The following ERC1 variants were observed in gnomAD, a reference collection of about 807,000 sequenced individuals.
The protein encoded by ERC1 is RAB6 interacting protein 2.
ERC1 carries 56 observed loss-of-function variants against 132.0 expected under a neutral mutation model. The ratio of observed to expected loss-of-function variants is 0.42; its 90% CI spans 0.34 to 0.53. The LOEUF is 0.53. ERC1 is among the 20% of genes least tolerant of loss of function. The pLI, the probability that ERC1 is intolerant of heterozygous loss-of-function variation, is 0.03. For missense variants in ERC1, 1,202 were observed against 1,349.9 expected (o/e 0.89, Z 1.72); for synonymous variants, 478 against 476.1 (o/e 1.00, Z -0.05).
intron 18 of ERC1, among the ~76,000 whole-genome samples, chr12:1,487,116 G>A (rs2094231389): frequency 6.6e-6 from 1 of 152,130 alleles, no homozygotes; most frequent in Non-Finnish European, 1.5e-5. Flanking sequence ...AAGGTACCCA[G>A]CCTCCTAGCT....
chr12:1,495,740 A>G lies in ERC1; in HGVS notation c.*5510A>G. The G allele has an allele frequency of 4.5e-6, 1 of 223,962 alleles. No homozygotes were observed. The highest frequency in any genetic ancestry group is 2.2e-5 in the African/African-American group (1 of 44,890). 13.9% of individuals were successfully genotyped at this position (223,962 alleles called of 1,614,324 possible). A position where few individuals can be genotyped will look rare whatever the true frequency, so the allele number is the denominator to read the frequency against. ...GCCTCCATGGTGGTGTCTGGGATGCACGTGCACCCGCTGCCTTCAGCTGTA... is the reference window on the plus strand; with the variant it reads ...GCCTCCATGGTGGTGTCTGGGATGCGCGTGCACCCGCTGCCTTCAGCTGTA... On this transcript the variant is annotated 3_prime_UTR_variant, in exon 19 of 19. Coordinates refer to ENST00000360905, the MANE Select transcript of ERC1 (RefSeq NM_178040.4).
intron 7 of ERC1, among the ~76,000 whole-genome samples, chr12:1,133,607 T>G (rs187037488): frequency 2.4e-4 from 36 of 152,342 alleles, no homozygotes; most frequent in Non-Finnish European, 4.6e-4. Flanking sequence ...TGAATCAATA[T>G]TCAGTCTGTT....
chr12:1,443,527 G>A (rs1326468765), intron 17 of ERC1: 2 of 152,186 alleles, frequency 1.3e-5, no homozygotes, highest in Admixed American at 6.5e-5. Flanking sequence ...CATGCAACAG[G>A]TGCAGACCTG....
chr12:1,166,962 C>G (rs61459434), intron 8 of ERC1, among the ~76,000 whole-genome samples: 6,127 of 152,218 alleles, frequency 0.04, 407 homozygotes, highest in African/African-American at 0.14. Flanking sequence ...AACATTATTT[C>G]TTTGGGCTTT....
intron 12 of ERC1, among the ~76,000 whole-genome samples, chr12:1,201,008 T>C (rs563944507): frequency 1.2e-4 from 18 of 152,334 alleles, no homozygotes; most frequent in Admixed American, 3.3e-4. Context: ...ATGTACATGT[T>C]TATATATGCA....
At chr12:1,466,271 C>G (rs1237024499) in intron 18 of ERC1, among the ~76,000 whole-genome samples, 2 of 152,150 alleles carry the variant, frequency 1.3e-5, no homozygotes, top group African/African-American at 4.8e-5. Context: ...GTGGTCTATC[C>G]TCTCTCCCTG....
At chr12:1,052,987 G>A (rs1338000598) in intron 2 of ERC1, among the ~76,000 whole-genome samples, 2 of 151,414 alleles carry the variant, frequency 1.3e-5, no homozygotes, top group African/African-American at 4.9e-5. Context: ...AAAAAAAATT[G>A]TCAGCTGCAA....
intron 13 of ERC1, among the ~76,000 whole-genome samples, chr12:1,260,766 C>T (rs1306254610): frequency 3.3e-5 from 5 of 152,184 alleles, no homozygotes; most frequent in Non-Finnish European, 7.3e-5. Context: ...TAGTTTGATA[C>T]AGTTGCGTTA....
intron 2 of ERC1, among the ~76,000 whole-genome samples, chr12:1,035,007 A>G (rs563045032): frequency 6.6e-6 from 1 of 152,314 alleles, no homozygotes; most frequent in South Asian, 2.1e-4. Context: ...CCGTATACCC[A>G]CTGTAATTAC....
chr12:1,030,437 T>C (rs183660323), intron 2 of ERC1, among the ~76,000 whole-genome samples: 3 of 152,236 alleles, frequency 2.0e-5, no homozygotes, highest in African/African-American at 7.2e-5. Flanking sequence ...TACAATATAG[T>C]GTTAGCCAGG....
At chr12:1,155,826 C>T (rs1004751870) in intron 8 of ERC1, among the ~76,000 whole-genome samples, 2 of 151,074 alleles carry the variant, frequency 1.3e-5, no homozygotes, top group Non-Finnish European at 2.9e-5. Context: ...TAAAAAATGA[C>T]TTGTATTAAC....
intron 17 of ERC1, among the ~76,000 whole-genome samples, chr12:1,418,671 TTTCTTTC>T (rs2092289931): frequency 7.7e-5 from 2 of 25,886 alleles, no homozygotes; most frequent in African/African-American, 3.2e-4. Context: ...CTTTCTTTTC[TTTCTTTC>T]TTTCTTTCTT....
At chr12:1,155,317 A>C (rs1198199223) in intron 8 of ERC1, among the ~76,000 whole-genome samples, 2 of 137,456 alleles carry the variant, frequency 1.5e-5, no homozygotes, top group African/African-American at 6.3e-5. Context: ...TTCATCTCAA[A>C]AAAAAAAAAA....
chr12:1,340,195 G>T (rs1477520854), intron 15 of ERC1, among the ~76,000 whole-genome samples: 2 of 152,116 alleles, frequency 1.3e-5, no homozygotes, highest in African/African-American at 4.8e-5. Context: ...GCACAGCTAG[G>T]CTGTGGTCCC....
chr12:1,150,693 C>T (rs1267869884), intron 8 of ERC1, among the ~76,000 whole-genome samples: 1 of 152,170 alleles, frequency 6.6e-6, no homozygotes, highest in Non-Finnish European at 1.5e-5. Flanking sequence ...CCAAAATGCA[C>T]AACCCCAGTC....
chr12:1,259,168 CT>C (rs1478471790), intron 13 of ERC1, among the ~76,000 whole-genome samples: 1 of 152,072 alleles, frequency 6.6e-6, no homozygotes, highest in Non-Finnish European at 1.5e-5. Context: ...TTCTCTTATT[CT>C]TTTCTAACTC....
rs566189656 is a variant in ERC1, at chr12:1,344,738, T to C, written c.2781-27095T>C. On this transcript the variant is annotated intron_variant, in intron 15 of 18. Transcript: ENST00000360905. ...GCCAGATTCCTGTCTGTAAGAGAGGTATAATTATTATTTTACACTATCTCA... is the reference window on the plus strand; with the variant it reads ...GCCAGATTCCTGTCTGTAAGAGAGGCATAATTATTATTTTACACTATCTCA... Among the ~76,000 whole-genome samples, 91 of 152,256 alleles carry C rather than the reference T, an allele frequency of 6.0e-4. 1 individual carries two copies. In the Middle Eastern group the frequency reaches 0.02, roughly 34 times the overall value.
intron 1 of ERC1, among the ~76,000 whole-genome samples, chr12:1,025,257 C>G (rs987293861): frequency 3.3e-5 from 5 of 152,262 alleles, no homozygotes; most frequent in African/African-American, 1.2e-4. Flanking sequence ...CTAAGTTGAG[C>G]TAAAGCCTCC....
intron 2 of ERC1, among the ~76,000 whole-genome samples, chr12:1,082,425 A>AT (rs1297404779): frequency 1.3e-5 from 2 of 149,050 alleles, no homozygotes; most frequent in African/African-American, 5.0e-5. Flanking sequence ...AAGTGCTGGG[A>AT]TTATAGGTGT....
Sources: gnomAD v4.1 joint callset for allele counts (sites outside exome capture counted in the v4.1 genomes callset) on GRCh38, gnomAD v4.1.1 for gene constraint, MANE v1.5 for transcripts, NCBI Gene and HGNC (gene_info 2026-07-23, HGNC 2026-07-21) for gene names.